OPCML: variants seen among roughly 807,000 people sequenced by gnomAD.
OPCML encodes opioid binding protein/cell adhesion molecule like, also known as opioid-binding protein/cell adhesion molecule.
A neutral mutation model predicts 37.8 loss-of-function variants in OPCML; 13 were observed. The observed-to-expected ratio is 0.34, with a 90% CI of 0.22 to 0.55. The LOEUF is 0.55. Ranked by LOEUF, OPCML falls within the 20% of genes least tolerant of loss-of-function variation. OPCML has a pLI of 0.91. For synonymous variants in OPCML, 176 were observed against 168.8 expected, an observed-to-expected ratio of 1.04 and a Z score of -0.33; for missense variants, 341 against 435.6, an observed-to-expected ratio of 0.78 and a Z score of 1.93.
At chr11:132,651,302 A>G (rs1334419094) in intron 3 of OPCML, among the ~76,000 whole-genome samples, 1 of 152,134 alleles carries the variant, frequency 6.6e-6, no homozygotes, top group Non-Finnish European at 1.5e-5. Context: ...AATCACTTCC[A>G]AGTCTCTGAA....
intron 4 of OPCML, among the ~76,000 whole-genome samples, chr11:132,467,929 G>A (rs1240068375): frequency 2.6e-5 from 4 of 152,220 alleles, no homozygotes; most frequent in East Asian, 3.8e-4. Context: ...GTGTCACGGT[G>A]AACAGCAAGG....
intron 4 of OPCML, among the ~76,000 whole-genome samples, chr11:132,442,354 C>T (rs1337484430): frequency 6.6e-6 from 1 of 152,048 alleles, no homozygotes; most frequent in African/African-American, 2.4e-5. Context: ...GCTTCCTGAC[C>T]GACTTCTCTT....
At chr11:133,055,967 C>CA (rs1948230067) in intron 1 of OPCML, among the ~76,000 whole-genome samples, 1 of 151,862 alleles carries the variant, frequency 6.6e-6, no homozygotes, top group South Asian at 2.1e-4. Flanking sequence ...AGGGAGCCAC[C>CA]TCTACCATAC....
At chr11:132,963,940 T>C (rs1255733057) in intron 1 of OPCML, among the ~76,000 whole-genome samples, 1 of 152,160 alleles carries the variant, frequency 6.6e-6, no homozygotes, top group Non-Finnish European at 1.5e-5. Context: ...TTGAATTTAC[T>C]CACTTCCTCA....
In OPCML at chr11:132,976,131, T is replaced by G. The variant is rs141022786; in HGVS notation, c.62-33121A>C. ...ACATAAGGTGTTACTTATCTGGTCA[T>G]GATAGAGTGGATCGTTGGAGGTGTA... On this transcript the variant is annotated intron_variant, in intron 1 of 7. Coordinates refer to ENST00000524381, the MANE Select transcript of OPCML (RefSeq NM_001012393.5). Among the ~76,000 whole-genome samples, 103 of 152,334 alleles carry G rather than the reference T, an allele frequency of 6.8e-4. 1 individual carries two copies. The South Asian group carries it at 0.021, about 31-fold the overall frequency.
At position 132,746,308 on chromosome 11, in the gene OPCML, G is replaced by GT. The variant is rs145762873; in HGVS notation, c.147-88990dup. Reference sequence around the variant, plus strand: ...TTGTTTTTATTTTGTTTGTTTGTTTGTTGTTTGTTTTAACAAAAAGAAGGG... The same window carrying GT: ...TTGTTTTTATTTTGTTTGTTTGTTTGTTTGTTTGTTTTAACAAAAAGAAGGG... On this transcript the variant is annotated intron_variant, in intron 2 of 7. Coordinates refer to ENST00000524381, the MANE Select transcript of OPCML (RefSeq NM_001012393.5). Among the ~76,000 whole-genome samples, 581 of 152,108 alleles carry GT rather than the reference G, an allele frequency of 3.8e-3. 3 individuals carry two copies. Among genetic ancestry groups the GT allele is most frequent in the African/African-American group, 0.012 (484 of 41,462 alleles).
chr11:133,172,155 C>T (rs1230507474), intron 1 of OPCML, among the ~76,000 whole-genome samples: 1 of 152,124 alleles, frequency 6.6e-6, no homozygotes, highest in African/African-American at 2.4e-5. Context: ...TGAAGATAGA[C>T]TCATTCATTC....
intron 1 of OPCML, among the ~76,000 whole-genome samples, chr11:133,045,718 C>G (rs1295521015): frequency 6.6e-6 from 1 of 152,176 alleles, no homozygotes; most frequent in African/African-American, 2.4e-5. Context: ...CCAGTGATAT[C>G]TTCGTCTTCT....
intron 1 of OPCML, among the ~76,000 whole-genome samples, chr11:133,447,040 T>C (rs1199659122): frequency 6.6e-6 from 1 of 152,226 alleles, no homozygotes; most frequent in African/African-American, 2.4e-5. Flanking sequence ...TTATCTTAGA[T>C]AGATACCTAG....
At chr11:132,439,985 A>G (rs2096027021) in intron 4 of OPCML, among the ~76,000 whole-genome samples, 1 of 152,156 alleles carries the variant, frequency 6.6e-6, no homozygotes, top group African/African-American at 2.4e-5. Context: ...GAGATCCATG[A>G]ATGCCAGTAG....
intron 2 of OPCML, among the ~76,000 whole-genome samples, chr11:132,869,529 T>A (rs957077831): frequency 4.0e-5 from 6 of 151,514 alleles, no homozygotes; most frequent in African/African-American, 1.2e-4. Flanking sequence ...TAAAAAAAAA[T>A]GAGGATGATG....
At chr11:132,844,876 G>T (rs1591690803) in intron 2 of OPCML, among the ~76,000 whole-genome samples, 1 of 148,472 alleles carries the variant, frequency 6.7e-6, no homozygotes, top group African/African-American at 2.5e-5. Flanking sequence ...ATTCACAAGT[G>T]AACCTATATA....
chr11:133,277,374 C>A (rs1022599014), intron 1 of OPCML, among the ~76,000 whole-genome samples: 3 of 151,920 alleles, frequency 2.0e-5, no homozygotes, highest in Non-Finnish European at 4.4e-5. Flanking sequence ...AAATAAAACT[C>A]ATTCCTTCAG....
chr11:132,611,528 A>G (rs1379756487), intron 3 of OPCML, among the ~76,000 whole-genome samples: 1 of 152,168 alleles, frequency 6.6e-6, no homozygotes, highest in African/African-American at 2.4e-5. Flanking sequence ...TTCTCCTCAG[A>G]TAGCCTTTAA....
At chr11:133,127,623 GCT>G (rs1157838489) in intron 1 of OPCML, among the ~76,000 whole-genome samples, 1 of 148,652 alleles carries the variant, frequency 6.7e-6, no homozygotes, top group African/African-American at 2.5e-5. Flanking sequence ...ACAGAGAGAG[GCT>G]CTGTCTCAAA....
intron 1 of OPCML, among the ~76,000 whole-genome samples, chr11:133,530,737 G>A (rs2120770046): frequency 6.6e-6 from 1 of 152,344 alleles, no homozygotes; most frequent in Non-Finnish European, 1.5e-5. Flanking sequence ...TGGTTATGCA[G>A]AGCCCATCCC....
At chr11:132,566,028 G>A (rs773490469) in intron 3 of OPCML, among the ~76,000 whole-genome samples, 76 of 152,236 alleles carry the variant, frequency 5.0e-4, no homozygotes, top group African/African-American at 8.7e-4. Flanking sequence ...GCGAGACTCC[G>A]TCTCAAAAAC....
chr11:132,440,606 G>A (rs1184117707), intron 4 of OPCML, among the ~76,000 whole-genome samples: 2 of 152,200 alleles, frequency 1.3e-5, no homozygotes, highest in African/African-American at 4.8e-5. Flanking sequence ...AGGACTCACT[G>A]TTCTTGGAGT....
At position 132,730,989 on chromosome 11, in the gene OPCML, G is replaced by C. The variant is rs192586636; in HGVS notation, c.147-73670C>G. Among the ~76,000 whole-genome samples, 283 of 152,210 alleles carry C rather than the reference G, an allele frequency of 1.9e-3. 1 individual carries two copies. The highest frequency in any genetic ancestry group is 3.4e-3 in the Middle Eastern group (1 of 294). ...AAGAAAAAGGTATGTTTTTTCATCT[G>C]TTTGTTGTTCTGTCTGCTTCGTTAT... On this transcript the variant is annotated intron_variant, in intron 2 of 7. Transcript: ENST00000524381.
Sources: allele counts gnomAD v4.1 joint callset (sites outside exome capture counted in the v4.1 genomes callset), GRCh38; gene constraint gnomAD v4.1.1; transcripts MANE v1.5; gene names NCBI Gene and HGNC (gene_info 2026-07-23, HGNC 2026-07-21).